Variants in YAP1 observed in about 807,000 individuals in gnomAD.
YAP1 encodes the protein Yes1 associated transcriptional regulator, also known as transcriptional coactivator YAP1.
Under a neutral mutation model 56.9 loss-of-function variants are expected in YAP1, and 5 were observed. The ratio of observed to expected loss-of-function variants is 0.09; its 90% confidence interval spans 0.05 to 0.18. YAP1 has a LOEUF of 0.18. Among genes scored for constraint, YAP1 ranks in the 10% least tolerant of loss-of-function variants. The pLI, the probability that YAP1 is intolerant of heterozygous loss-of-function variation, is 1.00. For missense variants in YAP1, 539 were observed against 651.8 expected (o/e 0.83, Z 1.88); for synonymous variants, 265 against 248.1 (o/e 1.07, Z -0.64).
intron 3 of YAP1, among the ~76,000 whole-genome samples, chr11:102,185,786 T>G (rs181321906): frequency 6.6e-6 from 1 of 152,230 alleles, no homozygotes; most frequent in East Asian, 1.9e-4. Context: ...AAAATTTTTT[T>G]TCTTCATCTC....
rs753317612 is a variant in YAP1, at chr11:102,137,947, G to T, written c.572+23553G>T. ...CTGTCGCCCAGGCTGGCGTGTTGTG[G>T]TGCTATCTCAGCTCACTGCAGCCTC... On this transcript the variant is annotated intron_variant, in intron 2 of 8. Coordinates refer to ENST00000282441, the MANE Select transcript of YAP1 (RefSeq NM_001130145.3). Among the ~76,000 whole-genome samples the T allele has an allele frequency of 1.8e-3, 277 of 152,118 alleles. 2 individuals are homozygous for T. The highest frequency in any genetic ancestry group is 4.8e-3 in the South Asian group (23 of 4,816).
chr11:102,120,574 C>A (rs1943589535), intron 2 of YAP1, among the ~76,000 whole-genome samples: 1 of 152,192 alleles, frequency 6.6e-6, no homozygotes. Context: ...AGTCACTCGA[C>A]TATCAAGTTC....
At chr11:102,178,419 G>A (rs977231366) in intron 3 of YAP1, among the ~76,000 whole-genome samples, 5 of 152,176 alleles carry the variant, frequency 3.3e-5, no homozygotes, top group African/African-American at 1.2e-4. Context: ...AACTCGTGGT[G>A]TAGTTAATCA....
intron 4 of YAP1, among the ~76,000 whole-genome samples, chr11:102,198,268 G>T (rs936910728): frequency 6.6e-6 from 1 of 152,100 alleles, no homozygotes; most frequent in African/African-American, 2.4e-5. Context: ...ATTTGAAAAA[G>T]ACCTTACCAA....
intron 6 of YAP1, among the ~76,000 whole-genome samples, chr11:102,220,374 A>C (rs749142081): frequency 3.9e-5 from 6 of 152,214 alleles, no homozygotes; most frequent in Non-Finnish European, 8.8e-5. Context: ...AAAGACCTTT[A>C]ATTTGTAATG....
chr11:102,196,065 T>C (rs1024152852), intron 4 of YAP1, among the ~76,000 whole-genome samples: 11 of 152,146 alleles, frequency 7.2e-5, no homozygotes, highest in African/African-American at 2.7e-4. Context: ...TGTGGAGAAA[T>C]TGGAATCCTC....
intron 3 of YAP1, among the ~76,000 whole-genome samples, chr11:102,174,041 T>C (rs1947078472): frequency 6.6e-6 from 1 of 152,210 alleles, no homozygotes; most frequent in African/African-American, 2.4e-5. Flanking sequence ...TTTAGTAGGA[T>C]TGGGACCTGA....
chr11:102,122,468 T>A (rs1308874202), intron 2 of YAP1, among the ~76,000 whole-genome samples: 1 of 152,034 alleles, frequency 6.6e-6, no homozygotes, highest in Non-Finnish European at 1.5e-5. Context: ...AGCACCAGAT[T>A]CTACCAGTGA....
Position 102,232,542 on chromosome 11 carries a change from T to C in YAP1, c.*2602T>C, listed in dbSNP as rs914614673. ...TTTGATCTTACGATGCCCTCTGTAC[T>C]GACCTGAAGGAGACCTAAGAGTCCT... On this transcript the variant is annotated 3_prime_UTR_variant, in exon 9 of 9. Transcript: ENST00000282441. The C allele has an allele frequency of 6.6e-6, 1 of 152,584 alleles. No individual in the cohort carries two copies. 9.5% of individuals were successfully genotyped at this position (152,584 alleles called of 1,614,324 possible).
chr11:102,180,551 G>A (rs1480407415), intron 3 of YAP1, among the ~76,000 whole-genome samples: 4 of 151,274 alleles, frequency 2.6e-5, no homozygotes, highest in South Asian at 2.1e-4. Context: ...GCATGGTGGC[G>A]GGCGCCTGTA....
chr11:102,152,238 C>T (rs1008097121), intron 2 of YAP1, among the ~76,000 whole-genome samples: 1 of 152,204 alleles, frequency 6.6e-6, no homozygotes, highest in African/African-American at 2.4e-5. Flanking sequence ...GTAACCATTT[C>T]TCACCGCTAA....
chr11:102,171,521 T>C (rs1946898843), intron 3 of YAP1, among the ~76,000 whole-genome samples: 1 of 152,212 alleles, frequency 6.6e-6, no homozygotes, highest in African/African-American at 2.4e-5. Flanking sequence ...AGTCTAAGTG[T>C]GCTATTTGTT....
At chr11:102,128,294 CG>C (rs895991310) in intron 2 of YAP1, among the ~76,000 whole-genome samples, 2 of 152,042 alleles carry the variant, frequency 1.3e-5, no homozygotes, top group Non-Finnish European at 2.9e-5. Flanking sequence ...AGGGACTCGG[CG>C]GGGGGTAATT....
At chr11:102,217,462 A>G (rs1180908212) in intron 6 of YAP1, among the ~76,000 whole-genome samples, 3 of 152,240 alleles carry the variant, frequency 2.0e-5, no homozygotes, top group South Asian at 4.1e-4. Flanking sequence ...AACAAATGTA[A>G]TATATTCCTA....
At chr11:102,213,968 C>T (rs1305119792) in intron 6 of YAP1, among the ~76,000 whole-genome samples, 1 of 152,148 alleles carries the variant, frequency 6.6e-6, no homozygotes, top group Non-Finnish European at 1.5e-5. Context: ...GTCCCAGCTA[C>T]TCAGGAGGCT....
At chr11:102,130,144 GT>G (rs1944290301) in intron 2 of YAP1, among the ~76,000 whole-genome samples, 1 of 151,886 alleles carries the variant, frequency 6.6e-6, no homozygotes, top group Non-Finnish European at 1.5e-5. Context: ...AGAGAAGAGG[GT>G]TTTCTGAGTC....
chr11:102,185,907 G>T (rs1004764729), intron 3 of YAP1, 111 bp from the exon 4 acceptor site: 20 of 1,084,372 alleles, frequency 1.8e-5, no homozygotes, highest in Non-Finnish European at 2.3e-5. Flanking sequence ...ATGTTTCAAT[G>T]AATTGTTTTA....
At chr11:102,161,828 C>T (rs1946308941) in intron 2 of YAP1, among the ~76,000 whole-genome samples, 1 of 152,108 alleles carries the variant, frequency 6.6e-6, no homozygotes, top group Non-Finnish European at 1.5e-5. Context: ...ATTAAGAAAT[C>T]TATATGTATA....
At position 102,231,986 on chromosome 11, in the gene YAP1, T is replaced by C. The variant is rs1950448908; in HGVS notation, c.*2046T>C. On this transcript the variant is annotated 3_prime_UTR_variant, in exon 9 of 9. Transcript: ENST00000282441. ...TAATAGTTCATAGGTTGATCACTCA[T>C]AATAATTGACTCTAAGGCTTTTATT... 6.6e-6 allele frequency: 1 copy of C among 152,584 alleles called. No individual in the cohort carries two copies. The highest frequency in any genetic ancestry group is 2.4e-5 in the African/African-American group (1 of 41,444). The allele number at this position is 152,584 out of a possible 1,614,324, so 9.5% of individuals were successfully genotyped here. A position where few individuals can be genotyped will look rare whatever the true frequency, so the allele number is the denominator to read the frequency against.
Sources: gnomAD v4.1 joint callset for allele counts (sites outside exome capture counted in the v4.1 genomes callset) on GRCh38, gnomAD v4.1.1 for gene constraint, MANE v1.5 for transcripts, NCBI Gene and HGNC (gene_info 2026-07-23, HGNC 2026-07-21) for gene names.